ZBTB5: variants seen among roughly 807,000 people sequenced by gnomAD.
ZBTB5 encodes zinc finger and BTB domain-containing protein 5.
In ZBTB5, 15 loss-of-function variants were observed where a neutral mutation model predicts 37.9. The observed-to-expected ratio is 0.40, with a 90% CI of 0.26 to 0.61. The LOEUF (loss-of-function observed/expected upper bound fraction) is 0.61, where lower values mean the gene tolerates loss of function less well. Ranked by LOEUF, ZBTB5 falls within the 20% of genes least tolerant of loss-of-function variation. The pLI, the probability that ZBTB5 is intolerant of heterozygous loss-of-function variation, is 0.47. For missense variants in ZBTB5, 708 were observed against 856.8 expected (o/e 0.83, Z 2.17); for synonymous variants, 315 against 312.4 (o/e 1.01, Z -0.09).
chr9:37,457,874 G>C (rs1026065159), intron 1 of ZBTB5, among the ~76,000 whole-genome samples: 4 of 152,126 alleles, frequency 2.6e-5, no homozygotes, highest in African/African-American at 9.7e-5. Flanking sequence ...TAGAAAGGTA[G>C]GTATTGGATA....
At chr9:37,459,079 C>T (rs951713004) in intron 1 of ZBTB5, among the ~76,000 whole-genome samples, 1 of 152,120 alleles carries the variant, frequency 6.6e-6, no homozygotes, top group African/African-American at 2.4e-5. Flanking sequence ...TAGTGTATCA[C>T]GGCAAAATGA....
At chr9:37,457,805 G>T (rs74322164) in intron 1 of ZBTB5, among the ~76,000 whole-genome samples, 2,691 of 152,294 alleles carry the variant, frequency 0.018, 66 homozygotes, top group East Asian at 0.14. Flanking sequence ...AGGTAAAGGT[G>T]GAGAAGGGGT....
intron 1 of ZBTB5, among the ~76,000 whole-genome samples, chr9:37,443,120 C>T (rs989547731): frequency 2.6e-5 from 4 of 151,970 alleles, no homozygotes; most frequent in African/African-American, 9.7e-5. Flanking sequence ...GAGGCTGAGA[C>T]GGGCAGATCA....
At position 37,441,680 on chromosome 9, in the gene ZBTB5, C is replaced by T. The variant is rs764848632; in HGVS notation, c.872G>A (p.Arg291His). The change falls in exon 2 of 2, where the codon CGT becomes CAT. Residue 291 changes from arginine (R) to histidine (H), a missense_variant. By Grantham distance (29) the Arg-to-His change is conservative. Around this residue, in one of 3 missense-constraint regions of ZBTB5, gnomAD observed 639 missense variants for 690.5 expected, o/e 0.93. Coordinates refer to ENST00000307750, the MANE Select transcript of ZBTB5 (RefSeq NM_014872.3). The part of the protein sequence containing the change: ...GNMAQLSMAS[R>H]ATQVETSFDQ... ...AAAACTAGTCTCAACCTGAGTTGCA[C>T]GAGAGGCCATGGACAACTGTGCCAT... is the stretch of plus-strand genomic sequence containing the variant. 6.2e-6 allele frequency: 10 copies of T among 1,613,872 alleles called. No individual in the cohort carries two copies. Among genetic ancestry groups the T allele is most frequent in the Admixed American group, 1.7e-5 (1 of 59,990 alleles).
intron 1 of ZBTB5, among the ~76,000 whole-genome samples, chr9:37,463,274 GCTACATTCCATC>G (rs1166367362): frequency 6.6e-6 from 1 of 152,148 alleles, no homozygotes; most frequent in Non-Finnish European, 1.5e-5. Context: ...ATAGTGTAGT[GCTACATTCCATC>G]CCACCTGCTA....
chr9:37,447,862 TAAA>T (rs1465702018), intron 1 of ZBTB5, among the ~76,000 whole-genome samples: 1 of 151,846 alleles, frequency 6.6e-6, no homozygotes, highest in Non-Finnish European at 1.5e-5. Flanking sequence ...ATGGCTTACT[TAAA>T]AATTACGGGG....
intron 1 of ZBTB5, among the ~76,000 whole-genome samples, chr9:37,445,880 T>G (rs1823968495): frequency 6.6e-6 from 1 of 151,528 alleles, no homozygotes; most frequent in Non-Finnish European, 1.5e-5. Flanking sequence ...GCGGGCAGAT[T>G]GTTTGAGCTC....
chr9:37,455,947 T>A (rs77072952), intron 1 of ZBTB5, among the ~76,000 whole-genome samples: 2 of 127,306 alleles, frequency 1.6e-5, no homozygotes, highest in African/African-American at 2.7e-5. Context: ...CAGGCTAGGA[T>A]TTTTTTTTTT....
chr9:37,464,161 T>G (rs2118966407), intron 1 of ZBTB5, among the ~76,000 whole-genome samples: 1 of 152,316 alleles, frequency 6.6e-6, no homozygotes, highest in East Asian at 1.9e-4. Flanking sequence ...CTGCCCAGCC[T>G]TTTACATCTA....
chr9:37,461,900 T>C (rs1824300206), intron 1 of ZBTB5, among the ~76,000 whole-genome samples: 1 of 152,188 alleles, frequency 6.6e-6, no homozygotes, highest in African/African-American at 2.4e-5. Flanking sequence ...AGGAAAAATA[T>C]CACGCTCGAT....
chr9:37,449,151 T>G (rs1055396930), intron 1 of ZBTB5, among the ~76,000 whole-genome samples: 2 of 151,974 alleles, frequency 1.3e-5, no homozygotes, highest in African/African-American at 2.4e-5. Context: ...TTGGGAGGCC[T>G]AGGTGGGAGG....
At chr9:37,465,067 A>G (rs1354415485) in intron 1 of ZBTB5, 148 bp downstream of exon 1, 1 of 152,194 alleles carries the variant, frequency 6.6e-6, no homozygotes, top group Non-Finnish European at 1.5e-5. Context: ...AACGGTAACA[A>G]TGCTCCCCTC....
At chr9:37,456,071 C>T (rs1359523863) in intron 1 of ZBTB5, among the ~76,000 whole-genome samples, 1 of 152,038 alleles carries the variant, frequency 6.6e-6, no homozygotes, top group Non-Finnish European at 1.5e-5. Context: ...CCACCTCAGC[C>T]TCCTGGGTAG....
chr9:37,452,541 G>C (rs1434237927), intron 1 of ZBTB5, among the ~76,000 whole-genome samples: 1 of 152,170 alleles, frequency 6.6e-6, no homozygotes, highest in African/African-American at 2.4e-5. Context: ...GGGTTCCCCA[G>C]AGGCAAATCA....
At chr9:37,449,675 C>A (rs1037709429) in intron 1 of ZBTB5, among the ~76,000 whole-genome samples, 3 of 133,052 alleles carry the variant, frequency 2.3e-5, no homozygotes, top group African/African-American at 8.8e-5. Flanking sequence ...CTCTAGTCTG[C>A]GCGATAGTAT....
chr9:37,456,195 C>A (rs1479717299), intron 1 of ZBTB5, among the ~76,000 whole-genome samples: 1 of 152,158 alleles, frequency 6.6e-6, no homozygotes, highest in African/African-American at 2.4e-5. Flanking sequence ...AATCAATCCA[C>A]CTGCCTCAGC....
intron 1 of ZBTB5, among the ~76,000 whole-genome samples, chr9:37,443,107 T>C: frequency 6.6e-6 from 1 of 152,034 alleles, no homozygotes; most frequent in East Asian, 1.9e-4. Flanking sequence ...CCCAGCACTT[T>C]GGGAGGCTGA....
intron 1 of ZBTB5, among the ~76,000 whole-genome samples, chr9:37,447,619 C>T (rs1824012834): frequency 6.6e-6 from 1 of 152,020 alleles, no homozygotes; most frequent in Non-Finnish European, 1.5e-5. Context: ...TTACTGAGAG[C>T]CTGACAGTCA....
intron 1 of ZBTB5, among the ~76,000 whole-genome samples, chr9:37,456,991 C>A (rs986087606): frequency 3.3e-5 from 5 of 152,200 alleles, no homozygotes; most frequent in African/African-American, 1.2e-4. Context: ...GTCTTTTGTT[C>A]GAAACAAAAT....
Sources: allele counts gnomAD v4.1 joint callset (sites outside exome capture counted in the v4.1 genomes callset), GRCh38; gene constraint gnomAD v4.1.1; regional missense constraint gnomAD v4.1.1; transcripts MANE v1.5; gene names NCBI Gene and HGNC (gene_info 2026-07-23, HGNC 2026-07-21).